Variants in ARHGEF1 observed in about 807,000 individuals in gnomAD.
The protein encoded by ARHGEF1 is Rho guanine nucleotide exchange factor 1.
ARHGEF1 carries 40 observed loss-of-function variants against 119.7 expected under a neutral mutation model. That is an observed-to-expected ratio of 0.33 (90% confidence interval 0.26 to 0.44). The LOEUF is 0.44. Among genes scored for constraint, ARHGEF1 ranks in the 20% least tolerant of loss-of-function variants. The pLI is 1.00. For synonymous variants in ARHGEF1, 494 were observed against 521.0 expected (o/e 0.95, Z 0.71); for missense variants, 976 against 1,268.3 (o/e 0.77, Z 3.50).
At chr19:41,895,623 G>C (rs782304942) in intron 12 of ARHGEF1, 137 bp downstream of exon 12, 3 of 946,600 alleles carry the variant, frequency 3.2e-6, no homozygotes, top group African/African-American at 3.3e-5. Flanking sequence ...ACTTCTCCCT[G>C]CTCCTGGTCA....
Position 41,904,496 on chromosome 19 carries a change from AGAGGTT to A in ARHGEF1, c.2161+117_2161+122del. The A allele has an allele frequency of 7.6e-7, 1 of 1,311,422 alleles. No homozygotes were observed. The highest frequency in any genetic ancestry group is 1.0e-6 in the Non-Finnish European group (1 of 981,968). The allele number at this position is 1,311,422 out of a possible 1,614,324, so 81.2% of individuals were successfully genotyped here. ...AGCCAGGGAGCCAGCATTCTAGCAAAGAGGTTGAGAAGTAGGTGGAGGTGGGCAGGG... is the reference window on the plus strand; with the variant it reads ...AGCCAGGGAGCCAGCATTCTAGCAAAGAGAAGTAGGTGGAGGTGGGCAGGG... On this transcript the variant is annotated intron_variant, in intron 22 of 28. Transcript: ENST00000354532. This position sits in a 1 kb window ranked among gnomAD's most constrained non-coding sequence, Gnocchi z 8.4.
chr19:41,905,283 G>T lies in ARHGEF1; in HGVS notation c.2336+22G>T. 1 of 1,600,208 alleles carries T rather than the reference G, an allele frequency of 6.2e-7. No homozygotes were observed. Among genetic ancestry groups the T allele is most frequent in the Non-Finnish European group, 8.5e-7 (1 of 1,173,324 alleles). On this transcript the variant is annotated intron_variant, in intron 24 of 28. Coordinates refer to ENST00000354532, the MANE Select transcript of ARHGEF1 (RefSeq NM_004706.4). The surrounding 1 kb of genome is among the most constrained non-coding windows in gnomAD (Gnocchi z 6.4). ...GCAGGTGAGGGGGGCCATGGAGAGA[G>T]CTGGAGGTTCAGGGAGTGGGGCCGG...
In ARHGEF1 at chr19:41,903,997, T is replaced by G; in HGVS notation, c.1918-38T>G. On this transcript the variant is annotated intron_variant, in intron 20 of 28. Coordinates refer to ENST00000354532, the MANE Select transcript of ARHGEF1 (RefSeq NM_004706.4). The surrounding 1 kb of genome is among the most constrained non-coding windows in gnomAD (Gnocchi z 4.2). ...CTCCCCACCAACCCCAATCACCCCC[T>G]GCCAACCTGCACAAACCATCACCCC... The G allele has an allele frequency of 9.4e-7, 1 of 1,065,848 alleles. No homozygotes were observed. The highest frequency in any genetic ancestry group is 1.4e-6 in the Non-Finnish European group (1 of 736,274). 66.0% of individuals were successfully genotyped at this position (1,065,848 alleles called of 1,614,324 possible).
intron 14 of ARHGEF1, 30 bp from the exon 15 acceptor site, chr19:41,901,857 A>G (rs1555849060): frequency 1.2e-6 from 2 of 1,602,142 alleles, no homozygotes; most frequent in Non-Finnish European, 8.5e-7. Context: ...CACCCTCCCC[A>G]ACATGCTTCC....
Position 41,906,950 on chromosome 19 carries a change from T to C in ARHGEF1, c.*17+147T>C. 1.0e-6 allele frequency: 1 copy of C among 955,440 alleles called. No individual in the cohort carries two copies. The highest frequency in any genetic ancestry group is 1.5e-6 in the Non-Finnish European group (1 of 661,154). The allele number at this position is 955,440 out of a possible 1,614,324, so 59.2% of individuals were successfully genotyped here. On this transcript the variant is annotated intron_variant, in intron 28 of 28. Transcript: ENST00000354532. The surrounding 1 kb of genome is among the most constrained non-coding windows in gnomAD (Gnocchi z 4.5). Reference sequence around the variant, plus strand: ...ACCTCGTGTTTCTCATCTCTGTGTCTCTGTTTCTGATAATCTGTTTCTCTG... The same window carrying C: ...ACCTCGTGTTTCTCATCTCTGTGTCCCTGTTTCTGATAATCTGTTTCTCTG...
chr19:41,920,384 A>T (rs1409519532), upstream of ARHGEF1, among the ~76,000 whole-genome samples: 3 of 142,550 alleles, frequency 2.1e-5, no homozygotes, highest in Non-Finnish European at 4.5e-5. Flanking sequence ...GTTCACAGAC[A>T]TGACATGCCC....
chr19:41,893,185 C>T, intron 7 of ARHGEF1, 89 bp from the exon 8 acceptor site: 1 of 1,561,828 alleles, frequency 6.4e-7, no homozygotes, highest in East Asian at 2.3e-5. Flanking sequence ...CCCTGCCTAT[C>T]CCAGGACAGC....
At position 41,892,847 on chromosome 19, in the gene ARHGEF1, G is replaced by A; in HGVS notation, c.612G>A (p.Met204Ile). The A allele has an allele frequency of 6.5e-7, 1 of 1,537,936 alleles. No homozygotes were observed. Among genetic ancestry groups the A allele is most frequent in the Non-Finnish European group, 8.7e-7 (1 of 1,145,292 alleles). ...AERLLMHLEE[M>I]QHTISTDEEK... is the part of the protein sequence containing the mutation. ...GGCTGCTCATGCACCTGGAGGAGAT[G>A]CAGTGAGTAGGCCAGCCCTGGTGGG... The change falls in exon 7 of 29, where the codon ATG becomes ATA. Residue 204 changes from methionine to isoleucine, a missense_variant and splice_region_variant. Around this residue, in one of 3 missense-constraint regions of ARHGEF1, gnomAD observed 519 missense variants for 580.9 expected, o/e 0.89. Coordinates refer to ENST00000354532, the MANE Select transcript of ARHGEF1 (RefSeq NM_004706.4). This position sits in a 1 kb window ranked among gnomAD's most constrained non-coding sequence, Gnocchi z 6.3.
chr19:41,897,354 A>G, intron 13 of ARHGEF1: 2 of 1,241,848 alleles, frequency 1.6e-6, no homozygotes, highest in Non-Finnish European at 2.1e-6. Flanking sequence ...GGGTGGGGGA[A>G]GGGCTAGCCC....
chr19:41,901,985 G>T lies in ARHGEF1; in HGVS notation c.1366G>T (p.Glu456Ter). 1 of 1,614,078 alleles carries T rather than the reference G, an allele frequency of 6.2e-7. No homozygotes were observed. The highest frequency in any genetic ancestry group is 1.7e-5 in the Admixed American group (1 of 60,022). The stretch of plus-strand genomic sequence containing the variant: ...AGAATGCCTGTTCTTCCCCTTGGAG[G>T]AGCTGCAGAACATCTTCCCCAGCCT... ...MAECLFFPLE[E>*]LQNIFPSLDE... The change falls in exon 15 of 29, where the codon GAG becomes TAG. Residue 456 changes from glutamate to a stop codon, truncating the protein, a stop_gained. Coordinates refer to ENST00000354532, the MANE Select transcript of ARHGEF1 (RefSeq NM_004706.4). LOFTEE classifies it high-confidence loss of function.
chr19:41,920,302 C>T, upstream of ARHGEF1, among the ~76,000 whole-genome samples: 1 of 147,420 alleles, frequency 6.8e-6, no homozygotes. Context: ...GACATGCGCT[C>T]ACAGACATGA....
At position 41,906,846 on chromosome 19, in the gene ARHGEF1, G is replaced by A. The variant is rs2074707444; in HGVS notation, c.*17+43G>A. On this transcript the variant is annotated intron_variant, in intron 28 of 28. Coordinates refer to ENST00000354532, the MANE Select transcript of ARHGEF1 (RefSeq NM_004706.4). This position sits in a 1 kb window ranked among gnomAD's most constrained non-coding sequence, Gnocchi z 4.5. ...GGGCCAGGGCGCTGTCCTGAAAGGA[G>A]GGTCCCCCTCCAGAGCTCGCATCCC... 7 of 1,494,196 alleles carry A rather than the reference G, an allele frequency of 4.7e-6. No homozygotes were observed. The African/African-American group carries it at 5.6e-5, about 12-fold the overall frequency. The allele number at this position is 1,494,196 out of a possible 1,614,324, so 92.6% of individuals were successfully genotyped here. A position where few individuals can be genotyped will look rare whatever the true frequency, so the allele number is the denominator to read the frequency against.
chr19:41,926,880 G>A (rs1409303693), intron 1 of ARHGEF1, among the ~76,000 whole-genome samples: 1 of 152,154 alleles, frequency 6.6e-6, no homozygotes, highest in Non-Finnish European at 1.5e-5. Context: ...AAACCAGCGA[G>A]GGGGAGACAG....
At chr19:41,925,519 G>A (rs1007794961) in intron 1 of ARHGEF1, among the ~76,000 whole-genome samples, 1 of 152,166 alleles carries the variant, frequency 6.6e-6, no homozygotes, top group African/African-American at 2.4e-5. Flanking sequence ...AGACACAGGT[G>A]AGCAAGTGTA....
intron 14 of ARHGEF1, among the ~76,000 whole-genome samples, chr19:41,898,998 T>A (rs868923165): frequency 1.8e-4 from 28 of 152,220 alleles, no homozygotes; most frequent in Admixed American, 1.5e-3. Flanking sequence ...TTTATTTTTT[T>A]AAATTTTTAT....
chr19:41,916,881 G>C lies in ARHGEF1; in HGVS notation c.1866-6211G>C, dbSNP rs915301082. Among the ~76,000 whole-genome samples the C allele has an allele frequency of 3.3e-5, 5 of 151,946 alleles. No homozygotes were observed. The highest frequency in any genetic ancestry group is 9.7e-5 in the African/African-American group (4 of 41,292). On this transcript the variant is annotated intron_variant, in intron 18 of 20. Transcript: ENST00000599589. The surrounding 1 kb of genome is among the most constrained non-coding windows in gnomAD (Gnocchi z 5.4). ...GCAGAGGTACACACAGACACACCCA[G>C]ACACACTGGGTAGGGGTGGGCACTC...
At chr19:41,896,885 C>T in intron 13 of ARHGEF1, 1 of 321,616 alleles carries the variant, frequency 3.1e-6, no homozygotes, top group South Asian at 2.1e-5. Context: ...CACCTCCCCG[C>T]TCCTCTCTCA....
In ARHGEF1 at chr19:41,895,477, C is replaced by G. The variant is rs782364939; in HGVS notation, c.1006C>G (p.Arg336Gly). Residue 336 changes from arginine (R) to glycine (G), a missense_variant, in exon 12 of 29, where the codon CGG becomes GGG. By Grantham distance (125) the Arg-to-Gly change is moderately radical. This residue lies in a region of ARHGEF1 where 519 missense variants were observed against 580.9 expected (regional missense o/e 0.89). Coordinates refer to ENST00000354532, the MANE Select transcript of ARHGEF1 (RefSeq NM_004706.4). ...CCCTCTGTCCCTGGACAGCCCAGAC[C>G]GGGAACCAGGTGAGAGTTTCCTGGG... ...LHPLSLDSPDREPGADAPLEL... is the reference protein window; with the variant it reads ...LHPLSLDSPDGEPGADAPLEL... 2 of 1,599,068 alleles carry G rather than the reference C, an allele frequency of 1.3e-6. No individual in the cohort carries two copies. The highest frequency in any genetic ancestry group is 1.7e-6 in the Non-Finnish European group (2 of 1,170,692).
chr19:41,895,521 C>T (rs202147930), intron 12 of ARHGEF1, 35 bp downstream of exon 12: 245 of 1,559,628 alleles, frequency 1.6e-4, no homozygotes, highest in Non-Finnish European at 1.7e-4. Context: ...CCATGAGGCC[C>T]GGCGATCCAG....
Sources: allele counts gnomAD v4.1 joint callset (sites outside exome capture counted in the v4.1 genomes callset), GRCh38; gene constraint gnomAD v4.1.1; regional missense constraint gnomAD v4.1.1; non-coding constraint Gnocchi (gnomAD v3.1); transcripts MANE v1.5; gene names NCBI Gene and HGNC (gene_info 2026-07-23, HGNC 2026-07-21).